Variants in KIF6 observed in about 807,000 individuals in gnomAD.
KIF6 encodes kinesin family member 6.
A neutral mutation model predicts 112.7 loss-of-function variants in KIF6; 106 were observed. The observed-to-expected ratio is 0.94, with a 90% confidence interval of 0.80 to 1.11. The LOEUF is 1.11. KIF6 is among the 50% of genes least tolerant of loss of function. The probability of loss-of-function intolerance (pLI) is 0.00; values close to 1 mark genes in which losing one functional copy is unlikely to be tolerated. For synonymous variants in KIF6, 339 were observed against 339.9 expected, an observed-to-expected ratio of 1.00 and a Z score of 0.03; for missense variants, 929 against 964.0, an observed-to-expected ratio of 0.96 and a Z score of 0.48.
intron 9 of KIF6, among the ~76,000 whole-genome samples, chr6:39,581,271 G>A (rs966972288): frequency 3.4e-5 from 5 of 147,324 alleles, no homozygotes; most frequent in African/African-American, 7.5e-5. Flanking sequence ...AGGTTCAAGC[G>A]ATTTTCCTGC....
intron 7 of KIF6, 86 bp from the exon 8 acceptor site, chr6:39,586,490 T>C (rs1781648615): frequency 1.8e-6 from 2 of 1,105,246 alleles, no homozygotes; most frequent in Non-Finnish European, 2.7e-6. Flanking sequence ...GCAATAAAAA[T>C]GCAAAAGGAA....
intron 3 of KIF6, among the ~76,000 whole-genome samples, chr6:39,713,131 A>T (rs1194845673): frequency 2.0e-5 from 3 of 152,170 alleles, no homozygotes; most frequent in Non-Finnish European, 2.9e-5. Context: ...AGGGAAGAGA[A>T]TTCCGGGCAG....
At chr6:39,660,665 G>T (rs1163702994) in intron 3 of KIF6, among the ~76,000 whole-genome samples, 1 of 151,910 alleles carries the variant, frequency 6.6e-6, no homozygotes, top group African/African-American at 2.4e-5. Flanking sequence ...ATTCGATTCA[G>T]TGAGATGAAT....
intron 3 of KIF6, among the ~76,000 whole-genome samples, chr6:39,658,163 G>C (rs1156288280): frequency 6.6e-6 from 1 of 152,148 alleles, no homozygotes; most frequent in African/African-American, 2.4e-5. Flanking sequence ...TAAGCATTGA[G>C]CTGGCATACT....
chr6:39,399,452 C>CA (rs1768524983), intron 15 of KIF6, among the ~76,000 whole-genome samples: 1 of 152,150 alleles, frequency 6.6e-6, no homozygotes, highest in Admixed American at 6.5e-5. Flanking sequence ...CTCATCAGGC[C>CA]AATGGCACCC....
chr6:39,426,823 A>G (rs889786341), intron 14 of KIF6, among the ~76,000 whole-genome samples: 2 of 152,092 alleles, frequency 1.3e-5, no homozygotes, highest in Non-Finnish European at 2.9e-5. Flanking sequence ...ACTCTAAATC[A>G]ATTCTTATAC....
rs527248422 is a variant in KIF6, at chr6:39,649,586, A to G, written c.252-9829T>C. Reference sequence around the variant, plus strand: ...TCAGTCTGAGTGGTCTTAGTCCCCAATTTAAGCACAGATACCACCACTCCA... The same window carrying G: ...TCAGTCTGAGTGGTCTTAGTCCCCAGTTTAAGCACAGATACCACCACTCCA... On this transcript the variant is annotated intron_variant, in intron 3 of 22. Coordinates refer to ENST00000287152, the MANE Select transcript of KIF6 (RefSeq NM_145027.6). 2.0e-3 allele frequency among the ~76,000 whole-genome samples: 298 copies of G among 152,258 alleles called. 1 individual carries two copies. Among genetic ancestry groups the G allele is most frequent in the African/African-American group, 6.3e-3 (263 of 41,550 alleles).
At chr6:39,431,352 C>T in intron 13 of KIF6, 191 bp from the exon 14 acceptor site, 7 of 565,314 alleles carry the variant, frequency 1.2e-5, no homozygotes, top group Non-Finnish European at 1.9e-5. Context: ...TCCAGTGCCA[C>T]CCGCTGCACC....
intron 13 of KIF6, among the ~76,000 whole-genome samples, chr6:39,467,084 G>A (rs981018217): frequency 2.0e-5 from 3 of 152,154 alleles, no homozygotes; most frequent in African/African-American, 7.2e-5. Context: ...CTTTCCCCAA[G>A]GAACTGAGGG....
intron 12 of KIF6, among the ~76,000 whole-genome samples, chr6:39,542,338 C>T (rs1778833603): frequency 6.6e-6 from 1 of 152,090 alleles, no homozygotes; most frequent in African/African-American, 2.4e-5. Flanking sequence ...GGTCATGGAT[C>T]CCCCTGTCAT....
intron 10 of KIF6, 64 bp from the exon 11 acceptor site, chr6:39,545,752 T>A: frequency 1.0e-6 from 1 of 960,166 alleles, no homozygotes; most frequent in Non-Finnish European, 1.7e-6. Flanking sequence ...CTAATGGCAT[T>A]ATCTAGTTGG....
intron 21 of KIF6, among the ~76,000 whole-genome samples, chr6:39,344,095 C>T (rs1053877454): frequency 2.0e-5 from 3 of 152,146 alleles, no homozygotes; most frequent in African/African-American, 4.8e-5. Flanking sequence ...ATAATTTCCA[C>T]GTGTTGTGGG....
intron 19 of KIF6, among the ~76,000 whole-genome samples, chr6:39,351,181 AC>A (rs1172840550): frequency 1.4e-3 from 103 of 73,762 alleles, no homozygotes; most frequent in Non-Finnish European, 2.2e-3. Context: ...CTAGGATTAA[AC>A]TTTTTTTTTT....
chr6:39,677,507 TTTTATTTA>T lies in KIF6; in HGVS notation c.251+37177_251+37184del, dbSNP rs70984138. 1.4e-3 allele frequency among the ~76,000 whole-genome samples: 200 copies of T among 146,156 alleles called. 1 individual carries two copies. Among genetic ancestry groups the T allele is most frequent in the African/African-American group, 3.6e-3 (145 of 39,776 alleles). The stretch of plus-strand genomic sequence containing the variant: ...TAGTTATTAAAAAGACTTCAGACAA[TTTTATTTA>T]TTTATTTATTTATTTATTTATTTAT... On this transcript the variant is annotated intron_variant, in intron 3 of 22. Transcript: ENST00000287152.
intron 13 of KIF6, among the ~76,000 whole-genome samples, chr6:39,510,843 GGAA>G (rs369303393): frequency 5.0e-3 from 573 of 115,582 alleles, no homozygotes; most frequent in African/African-American, 0.018. Flanking sequence ...ATAAAGCGAT[GGAA>G]GAAGATCTAC....
chr6:39,636,801 T>C (rs893997357), intron 4 of KIF6, among the ~76,000 whole-genome samples: 1 of 152,064 alleles, frequency 6.6e-6, no homozygotes, highest in Non-Finnish European at 1.5e-5. Flanking sequence ...GAGAGTTTAG[T>C]ATACATTTCT....
At chr6:39,437,713 A>C (rs1771622725) in intron 13 of KIF6, among the ~76,000 whole-genome samples, 1 of 152,202 alleles carries the variant, frequency 6.6e-6, no homozygotes, top group Non-Finnish European at 1.5e-5. Context: ...ATAAAAATGC[A>C]ACTACAGTCC....
chr6:39,611,235 G>A (rs916789559), intron 6 of KIF6, among the ~76,000 whole-genome samples: 2 of 152,138 alleles, frequency 1.3e-5, no homozygotes, highest in Non-Finnish European at 2.9e-5. Context: ...TTGAACCCGG[G>A]AGATGGAGGT....
At chr6:39,456,282 T>A in intron 13 of KIF6, among the ~76,000 whole-genome samples, 3 of 106,652 alleles carry the variant, frequency 2.8e-5, no homozygotes, top group Non-Finnish European at 5.7e-5. Context: ...GCTTCATAAG[T>A]GAAGGAGAAA....
Sources: gnomAD v4.1 joint callset for allele counts (sites outside exome capture counted in the v4.1 genomes callset) on GRCh38, gnomAD v4.1.1 for gene constraint, MANE v1.5 for transcripts, NCBI Gene and HGNC (gene_info 2026-07-23, HGNC 2026-07-21) for gene names.